The following TNRC18 variants were observed in gnomAD, a reference collection of about 807,000 sequenced individuals.
TNRC18 encodes trinucleotide repeat containing 18.
TNRC18 carries 69 observed loss-of-function variants against 226.7 expected under a neutral mutation model. That is an observed-to-expected ratio of 0.30 (90% confidence interval 0.25 to 0.37). The LOEUF is 0.37. Among genes scored for constraint, TNRC18 ranks in the 10% least tolerant of loss-of-function variants. The pLI, the probability that TNRC18 is intolerant of heterozygous loss-of-function variation, is 1.00. For missense variants in TNRC18, 4,754 were observed against 4,256.6 expected (o/e 1.12, Z -3.25); for synonymous variants, 2,449 against 1,927.6 (o/e 1.27, Z -7.09).
At chr7:5,403,777 G>C (rs1781273552) in intron 2 of TNRC18, among the ~76,000 whole-genome samples, 2 of 150,112 alleles carry the variant, frequency 1.3e-5, no homozygotes, top group African/African-American at 4.9e-5. Context: ...GCAACAGAGT[G>C]AGACCCTGTC....
chr7:5,308,292 C>G lies in TNRC18; in HGVS notation c.8721G>C (p.Ser2907=). ...TCTGCACGTCATTTTCGTCCACATG[C>G]GAGGACTGGTATAGCGCGCGCTGCG... ...DFMERALYQS[S]HVDENDVQTV... Residue 2907 remains serine (S), a synonymous_variant, in exon 30 of 30, where the codon TCG becomes TCC. Transcript: ENST00000430969. The G allele has an allele frequency of 6.2e-7, 1 of 1,612,470 alleles. No individual in the cohort carries two copies. The highest frequency in any genetic ancestry group is 8.5e-7 in the Non-Finnish European group (1 of 1,179,288).
chr7:5,386,357 A>G (rs1434748870), intron 5 of TNRC18, among the ~76,000 whole-genome samples: 1 of 152,098 alleles, frequency 6.6e-6, no homozygotes, highest in Non-Finnish European at 1.5e-5. Context: ...CAGGCGGATC[A>G]TCTGAGGTCA....
In TNRC18 at chr7:5,388,600, C is replaced by T; in HGVS notation, c.1224G>A (p.Gly408=). 1 of 1,295,640 alleles carries T rather than the reference C, an allele frequency of 7.7e-7. No individual in the cohort carries two copies. Among genetic ancestry groups the T allele is most frequent in the South Asian group, 1.9e-5 (1 of 53,218 alleles). 80.3% of individuals were successfully genotyped at this position (1,295,640 alleles called of 1,614,324 possible). Reference sequence around the variant, plus strand: ...GGGAGCCGGGGGGCGCCTGCAGGACCCCTGGCCTGCCAGCCTCGCGCTCGC... The same window carrying T: ...GGGAGCCGGGGGGCGCCTGCAGGACTCCTGGCCTGCCAGCCTCGCGCTCGC... ...RAREREAGRP[G]VLQAPPGSPR... Residue 408 remains glycine, a synonymous_variant, in exon 5 of 30, where the codon GGG becomes GGA. Coordinates refer to ENST00000430969, the MANE Select transcript of TNRC18 (RefSeq NM_001080495.3).
At chr7:5,373,395 T>C (rs538733965) in intron 10 of TNRC18, among the ~76,000 whole-genome samples, 2 of 152,222 alleles carry the variant, frequency 1.3e-5, no homozygotes, top group East Asian at 1.9e-4. Flanking sequence ...CAGGGCTGTG[T>C]GCCCCTGATT....
intron 16 of TNRC18, among the ~76,000 whole-genome samples, chr7:5,356,643 T>C (rs1393827384): frequency 6.6e-6 from 1 of 151,288 alleles, no homozygotes; most frequent in African/African-American, 2.4e-5. Context: ...CCGGCGGAGG[T>C]CGGCTCCCAA....
At chr7:5,327,004 G>A (rs1214855421) in intron 19 of TNRC18, among the ~76,000 whole-genome samples, 3 of 151,626 alleles carry the variant, frequency 2.0e-5, no homozygotes, top group African/African-American at 4.9e-5. Flanking sequence ...CACGCCTGTA[G>A]TCCCAGCTAC....
Position 5,387,909 on chromosome 7 carries a change from G to C in TNRC18, c.1915C>G (p.His639Asp), listed in dbSNP as rs1779923267. ...CCGCCCGCTGCAGGGCCTCCGGAGTGTGGGAGACGGGCCTGGGCTCGGGAG... is the reference window on the plus strand; with the variant it reads ...CCGCCCGCTGCAGGGCCTCCGGAGTCTGGGAGACGGGCCTGGGCTCGGGAG... Reference protein sequence around the residue: ...GASRAQARLPHSGGPAAGGGR... With the variant: ...GASRAQARLPDSGGPAAGGGR... Residue 639 changes from histidine (H) to aspartate (D), a missense_variant, in exon 5 of 30, where the codon CAC (histidine) becomes GAC (aspartate). By Grantham distance (81) the His-to-Asp change is moderately conservative. Transcript: ENST00000430969. The C allele has an allele frequency of 6.3e-7, 1 of 1,593,064 alleles. No individual in the cohort carries two copies. Among genetic ancestry groups the C allele is most frequent in the Non-Finnish European group, 8.5e-7 (1 of 1,171,208 alleles).
intron 24 of TNRC18, among the ~76,000 whole-genome samples, chr7:5,318,661 T>A (rs1415383400): frequency 1.4e-4 from 21 of 151,990 alleles, no homozygotes. Flanking sequence ...ATCCTAAAAG[T>A]TTCCAGAGAT....
Position 5,325,132 on chromosome 7 carries a change from G to T in TNRC18, c.6264C>A (p.Ser2088Arg). 2 of 1,550,772 alleles carry T rather than the reference G, an allele frequency of 1.3e-6. No individual in the cohort carries two copies. The highest frequency in any genetic ancestry group is 2.1e-4 in the Middle Eastern group (1 of 4,826). Residue 2088 changes from serine (S) to arginine (R), a missense_variant, in exon 20 of 30, where the codon AGC becomes AGA. Ser to Arg is a moderately radical substitution (Grantham distance 110, BLOSUM62 -1). Transcript: ENST00000430969. ...HASSLTAAKRSKAKAKGKEVK... is the reference protein window; with the variant it reads ...HASSLTAAKRRKAKAKGKEVK... ...CCTCCTTCCCTTTGGCCTTGGCTTT[G>T]CTCCTTTTGGCAGCGGTCAGGGAGC...
chr7:5,324,205 G>A lies in TNRC18; in HGVS notation c.6442+9C>T. Reference sequence around the variant, plus strand: ...CCCGCCCGGCACATGTGGCATCACGGCCACTCACCCGGGGTCAGCGGCCGC... The same window carrying A: ...CCCGCCCGGCACATGTGGCATCACGACCACTCACCCGGGGTCAGCGGCCGC... On this transcript the variant is annotated intron_variant, in intron 21 of 29. Transcript: ENST00000430969. The surrounding 1 kb of genome is among the most constrained non-coding windows in gnomAD (Gnocchi z 4.8). The A allele has an allele frequency of 9.4e-6, 15 of 1,594,040 alleles. No individual in the cohort carries two copies. Among genetic ancestry groups the A allele is most frequent in the Non-Finnish European group, 1.3e-5 (15 of 1,172,938 alleles).
At position 5,388,678 on chromosome 7, in the gene TNRC18, G is replaced by A. The variant is rs1222123847; in HGVS notation, c.1146C>T (p.Asp382=). 1.2e-5 allele frequency: 15 copies of A among 1,266,676 alleles called. No individual in the cohort carries two copies. Among genetic ancestry groups the A allele is most frequent in the African/African-American group, 1.6e-5 (1 of 62,548 alleles). The allele number at this position is 1,266,676 out of a possible 1,614,324, so 78.5% of individuals were successfully genotyped here. ...PTFVPSVEAF[D]ERPGPIQIAS... ...CGATCTGGATGGGCCCCGGGCGCTCGTCGAAGGCCTCCACGGAAGGCACGA... is the reference window on the plus strand; with the variant it reads ...CGATCTGGATGGGCCCCGGGCGCTCATCGAAGGCCTCCACGGAAGGCACGA... Residue 382 remains aspartate, a synonymous_variant, in exon 5 of 30, where the codon GAC becomes GAT. Transcript: ENST00000430969.
intron 17 of TNRC18, among the ~76,000 whole-genome samples, chr7:5,347,525 C>A (rs1383980848): frequency 6.6e-6 from 1 of 151,848 alleles, no homozygotes; most frequent in Non-Finnish European, 1.5e-5. Context: ...ATTAGCCAGG[C>A]GTGGTGGCTT....
chr7:5,345,517 G>GGGGGGGGGGCCCCCCCCCCCCC lies in TNRC18; in HGVS notation c.5719+44_5719+45insGGGGGGGGGGGGGCCCCCCCCC. 14 of 377,724 alleles carry GGGGGGGGGGCCCCCCCCCCCCC rather than the reference G, an allele frequency of 3.7e-5. 1 individual carries two copies. The highest frequency in any genetic ancestry group is 5.3e-5 in the Non-Finnish European group (11 of 207,152). The allele number at this position is 377,724 out of a possible 1,614,324, so 23.4% of individuals were successfully genotyped here. On this transcript the variant is annotated intron_variant, in intron 18 of 29. Coordinates refer to ENST00000430969, the MANE Select transcript of TNRC18 (RefSeq NM_001080495.3). Reference sequence around the variant, plus strand: ...CCTGTGGGATGGGGCAATGGCGTCCGCCCCTCCCACCCACCCCCACCGCAG... The same window carrying GGGGGGGGGGCCCCCCCCCCCCC: ...CCTGTGGGATGGGGCAATGGCGTCCGGGGGGGGGGCCCCCCCCCCCCCCCCCTCCCACCCACCCCCACCGCAG...
intron 11 of TNRC18, among the ~76,000 whole-genome samples, chr7:5,363,522 A>C (rs530641387): frequency 2.6e-5 from 4 of 151,976 alleles, no homozygotes; most frequent in African/African-American, 9.7e-5. Context: ...GAGAATGGCG[A>C]GAACCTGGGA....
intron 24 of TNRC18, among the ~76,000 whole-genome samples, chr7:5,318,003 C>T (rs1254818333): frequency 6.6e-6 from 1 of 152,032 alleles, no homozygotes; most frequent in Non-Finnish European, 1.5e-5. Flanking sequence ...TCCCGAGTAG[C>T]TGGGATTACA....
chr7:5,348,063 G>C (rs1791388418), intron 17 of TNRC18, among the ~76,000 whole-genome samples: 1 of 152,218 alleles, frequency 6.6e-6, no homozygotes, highest in African/African-American at 2.4e-5. Flanking sequence ...CTGCCTGCCT[G>C]AGAGTCTGCA....
chr7:5,408,293 C>T (rs1382838625), intron 2 of TNRC18, among the ~76,000 whole-genome samples: 3 of 140,344 alleles, frequency 2.1e-5, no homozygotes, highest in African/African-American at 5.4e-5. Context: ...ACAAGACTTC[C>T]GTCTCAAAAA....
chr7:5,324,906 G>A lies in TNRC18; in HGVS notation c.6300+190C>T, dbSNP rs998377466. 7.9e-5 allele frequency among the ~76,000 whole-genome samples: 12 copies of A among 152,164 alleles called. No homozygotes were observed. ...TAGAGCAGACATTTCCTGAGGACAG[G>A]AGCAGAGTCCCCAGTATCTCCTTAT... On this transcript the variant is annotated intron_variant, in intron 20 of 29. Coordinates refer to ENST00000430969, the MANE Select transcript of TNRC18 (RefSeq NM_001080495.3). The surrounding 1 kb of genome is among the most constrained non-coding windows in gnomAD (Gnocchi z 4.8).
intron 1 of TNRC18, among the ~76,000 whole-genome samples, chr7:5,421,848 G>A (rs1386042477): frequency 6.6e-6 from 1 of 152,228 alleles, no homozygotes; most frequent in East Asian, 1.9e-4. Context: ...TTATTCCTAG[G>A]CGTCAAATGC....
Sources: gnomAD v4.1 joint callset for allele counts (sites outside exome capture counted in the v4.1 genomes callset) on GRCh38, gnomAD v4.1.1 for gene constraint, Gnocchi (gnomAD v3.1) non-coding constraint, MANE v1.5 for transcripts, NCBI Gene and HGNC (gene_info 2026-07-23, HGNC 2026-07-21) for gene names.